The following ATP11A variants were observed in gnomAD, a reference collection of about 807,000 sequenced individuals.
ATP11A encodes ATPase phospholipid transporting 11A, also known as phospholipid-transporting ATPase IH.
A neutral mutation model predicts 154.4 loss-of-function variants in ATP11A; 81 were observed. The observed-to-expected ratio is 0.52, with a 90% CI of 0.44 to 0.63. The LOEUF (loss-of-function observed/expected upper bound fraction) is 0.63, where lower values mean the gene tolerates loss of function less well. Ranked by LOEUF, ATP11A falls within the 30% of genes least tolerant of loss-of-function variation. The pLI, the probability that ATP11A is intolerant of heterozygous loss-of-function variation, is 0.00. For missense variants in ATP11A, 1,316 were observed against 1,474.3 expected (o/e 0.89, Z 1.76); for synonymous variants, 623 against 585.9 (o/e 1.06, Z -0.91).
intron 29 of ATP11A, among the ~76,000 whole-genome samples, chr13:112,879,159 T>A (rs1216430032): frequency 6.6e-6 from 1 of 152,256 alleles, no homozygotes; most frequent in Non-Finnish European, 1.5e-5. Flanking sequence ...TCCAAATCAG[T>A]GATGCTTTGA....
chr13:112,818,484 C>T (rs1210148530), intron 6 of ATP11A, among the ~76,000 whole-genome samples: 1 of 152,222 alleles, frequency 6.6e-6, no homozygotes, highest in Non-Finnish European at 1.5e-5. Context: ...TACTCTTCCA[C>T]TAGAAAGAAA....
chr13:112,824,662 G>A (rs942335270), intron 10 of ATP11A, among the ~76,000 whole-genome samples: 1 of 152,102 alleles, frequency 6.6e-6, no homozygotes, highest in Non-Finnish European at 1.5e-5. Context: ...TGCCTCTTAC[G>A]GACGCCCTGA....
chr13:112,781,344 C>T (rs568432304), intron 1 of ATP11A, among the ~76,000 whole-genome samples: 12 of 152,072 alleles, frequency 7.9e-5, no homozygotes, highest in Non-Finnish European at 1.3e-4. Context: ...CCGGCAGGGA[C>T]CCCGTTTTGT....
chr13:112,861,760 A>G (rs2080109035), intron 24 of ATP11A, among the ~76,000 whole-genome samples: 2 of 152,266 alleles, frequency 1.3e-5, no homozygotes, highest in Admixed American at 1.3e-4. Flanking sequence ...TACATCTTTA[A>G]TAAATCTAAA....
At chr13:112,758,515 C>G (rs1343685104) in intron 1 of ATP11A, among the ~76,000 whole-genome samples, 12 of 151,896 alleles carry the variant, frequency 7.9e-5, no homozygotes, top group African/African-American at 2.9e-4. Context: ...GCTCTGCCTC[C>G]TGGGTTCACG....
intron 1 of ATP11A, among the ~76,000 whole-genome samples, chr13:112,750,448 C>T (rs1379117114): frequency 3.7e-5 from 3 of 80,512 alleles, no homozygotes; most frequent in African/African-American, 7.9e-5. Flanking sequence ...CTGAAGGACG[C>T]GGGGTTGAAT....
chr13:112,801,077 A>G (rs2078121202), intron 2 of ATP11A, among the ~76,000 whole-genome samples: 1 of 151,858 alleles, frequency 6.6e-6, no homozygotes, highest in Non-Finnish European at 1.5e-5. Context: ...CTAAGATTGG[A>G]AAAAAGGCAA....
At chr13:112,725,930 A>T (rs1425380078) in intron 1 of ATP11A, among the ~76,000 whole-genome samples, 1 of 152,248 alleles carries the variant, frequency 6.6e-6, no homozygotes, top group African/African-American at 2.4e-5. Flanking sequence ...GGACGCCCTC[A>T]GAGCAAGGTG....
intron 6 of ATP11A, 58 bp from the exon 7 acceptor site, chr13:112,819,246 C>T (rs2078727786): frequency 6.2e-6 from 9 of 1,462,550 alleles, no homozygotes; most frequent in Non-Finnish European, 6.7e-6. Flanking sequence ...GAGGCACCAG[C>T]GTCTGGGTTT....
intron 1 of ATP11A, among the ~76,000 whole-genome samples, chr13:112,775,097 C>T (rs536833214): frequency 2.6e-5 from 4 of 152,276 alleles, no homozygotes; most frequent in African/African-American, 7.2e-5. Flanking sequence ...CTTGCTTGCA[C>T]TGGCTTAGAG....
At chr13:112,702,667 T>C (rs1226487622) in intron 1 of ATP11A, among the ~76,000 whole-genome samples, 1 of 152,266 alleles carries the variant, frequency 6.6e-6, no homozygotes, top group Non-Finnish European at 1.5e-5. Context: ...TCTGCTGATA[T>C]CTATCCCCTC....
intron 12 of ATP11A, among the ~76,000 whole-genome samples, chr13:112,827,463 C>T (rs1381432357): frequency 6.6e-6 from 1 of 152,202 alleles, no homozygotes; most frequent in Non-Finnish European, 1.5e-5. Context: ...AGGTGCACAG[C>T]ACAGAGTCTG....
At position 112,856,037 on chromosome 13, in the gene ATP11A, C is replaced by G; in HGVS notation, c.2370C>G (p.Ser790Arg). ...AGCTCTTCCTGGAAATCTGCCGGAG[C>G]TGCAGCGCGGTGCTCTGCTGCCGCA... The part of the protein sequence containing the change: ...YRELFLEICR[S>R]CSAVLCCRMA... Residue 790 changes from serine (S) to arginine (R), a missense_variant, in exon 20 of 30, where the codon AGC becomes AGG. Around this residue, in one of 5 missense-constraint regions of ATP11A, gnomAD observed 876 missense variants for 1,006.8 expected, o/e 0.87. Coordinates refer to ENST00000375645, the MANE Select transcript of ATP11A (RefSeq NM_015205.3). 3.1e-6 allele frequency: 5 copies of G among 1,614,088 alleles called. No individual in the cohort carries two copies. Among genetic ancestry groups the G allele is most frequent in the Non-Finnish European group, 4.2e-6 (5 of 1,180,040 alleles).
intron 25 of ATP11A, among the ~76,000 whole-genome samples, chr13:112,867,560 C>T (rs148513775): frequency 1.9e-3 from 289 of 152,320 alleles, no homozygotes; most frequent in Admixed American, 5.4e-3. Context: ...TCTCCGCCTT[C>T]TCGGATCCCT....
intron 1 of ATP11A, among the ~76,000 whole-genome samples, chr13:112,711,521 A>G (rs1370885336): frequency 2.0e-5 from 3 of 148,528 alleles, no homozygotes; most frequent in Non-Finnish European, 3.0e-5. Flanking sequence ...CCTGATGAGA[A>G]AAAAAAAAAA....
intron 1 of ATP11A, among the ~76,000 whole-genome samples, chr13:112,691,154 C>T (rs1015438969): frequency 1.3e-5 from 2 of 152,082 alleles, no homozygotes; most frequent in South Asian, 2.1e-4. Flanking sequence ...AACCGGAATC[C>T]CTGGCGTTAG....
chr13:112,801,354 C>G (rs9550214), intron 2 of ATP11A, among the ~76,000 whole-genome samples: 8 of 126,284 alleles, frequency 6.3e-5, no homozygotes, highest in Admixed American at 8.2e-5. Context: ...TGGTGAAAAA[C>G]GAGATGATTT....
In ATP11A at chr13:112,703,971, C is replaced by T. The variant is rs1232547684; in HGVS notation, c.39+13516C>T. Among the ~76,000 whole-genome samples the T allele has an allele frequency of 2.6e-5, 4 of 152,114 alleles. No homozygotes were observed. The East Asian group carries it at 7.7e-4, about 29-fold the overall frequency. ...AGTAAATGGAATTGCTTTTTGGAGCCCATACTCTGTTCACCTGCGTGTGTG... is the reference window on the plus strand; with the variant it reads ...AGTAAATGGAATTGCTTTTTGGAGCTCATACTCTGTTCACCTGCGTGTGTG... On this transcript the variant is annotated intron_variant, in intron 1 of 29. Transcript: ENST00000375645.
rs527630035 is a variant in ATP11A at position 112,803,990 on chromosome 13, CCCCTCCTT to C, written c.163-957_163-950del. ...CCTTCCTTCCCTCATTCCCCTCATT[CCCCTCCTT>C]CCCTCCTTCACCTCCCTCCCTGCCA... is the stretch of plus-strand genomic sequence containing the variant. On this transcript the variant is annotated intron_variant, in intron 2 of 29. Transcript: ENST00000375645. 3.1e-4 allele frequency among the ~76,000 whole-genome samples: 18 copies of C among 57,936 alleles called. 1 individual carries two copies. The highest frequency in any genetic ancestry group is 4.5e-4 in the Non-Finnish European group (14 of 31,060). 38.0% of individuals were successfully genotyped at this position (57,936 alleles called of 152,430 possible). A position where few individuals can be genotyped will look rare whatever the true frequency, so the allele number is the denominator to read the frequency against.
Sources: allele counts gnomAD v4.1 joint callset (sites outside exome capture counted in the v4.1 genomes callset), GRCh38; gene constraint gnomAD v4.1.1; regional missense constraint gnomAD v4.1.1; transcripts MANE v1.5; gene names NCBI Gene and HGNC (gene_info 2026-07-23, HGNC 2026-07-21).